The following DPP6 variants were observed in gnomAD, a reference collection of about 807,000 sequenced individuals.
DPP6 encodes the protein dipeptidyl peptidase like 6, also known as A-type potassium channel modulatory protein DPP6.
DPP6 carries 69 observed loss-of-function variants against 122.6 expected under a neutral mutation model. The ratio of observed to expected loss-of-function variants is 0.56; its 90% confidence interval spans 0.46 to 0.69. DPP6 has a LOEUF of 0.69. DPP6 is among the 30% of genes least tolerant of loss of function. The probability of loss-of-function intolerance (pLI) is 0.00; values close to 1 mark genes in which losing one functional copy is unlikely to be tolerated. For synonymous variants in DPP6, 418 were observed against 433.1 expected (o/e 0.97, Z 0.43); for missense variants, 928 against 1,116.9 (o/e 0.83, Z 2.41).
chr7:154,185,431 A>G (rs1185690126), intron 1 of DPP6, among the ~76,000 whole-genome samples: 1 of 152,176 alleles, frequency 6.6e-6, no homozygotes, highest in African/African-American at 2.4e-5. Flanking sequence ...CTGGGTATCA[A>G]TATCAGAGTC....
At chr7:154,715,720 A>C (rs997315351) in intron 7 of DPP6, among the ~76,000 whole-genome samples, 6 of 152,160 alleles carry the variant, frequency 3.9e-5, no homozygotes, top group Non-Finnish European at 8.8e-5. Flanking sequence ...CTCAAGAAGT[A>C]CTTTGTTTTG....
chr7:154,273,254 T>G (rs989794506), intron 1 of DPP6, among the ~76,000 whole-genome samples: 9 of 152,022 alleles, frequency 5.9e-5, no homozygotes, highest in Non-Finnish European at 1.3e-4. Context: ...GACACTATGG[T>G]GAAGGAGGCA....
At chr7:154,357,990 C>T (rs1038549471) in intron 1 of DPP6, among the ~76,000 whole-genome samples, 1 of 151,666 alleles carries the variant, frequency 6.6e-6, no homozygotes, top group Non-Finnish European at 1.5e-5. Flanking sequence ...CTCGGAAGTG[C>T]TCCCTTGTTA....
At chr7:154,343,459 C>A (rs1035934510) in intron 1 of DPP6, among the ~76,000 whole-genome samples, 7 of 152,222 alleles carry the variant, frequency 4.6e-5, no homozygotes, top group Admixed American at 2.6e-4. Context: ...TGCTATTCAG[C>A]GGCTTGAAGT....
intron 8 of DPP6, among the ~76,000 whole-genome samples, chr7:154,747,641 C>T (rs892539980): frequency 1.3e-5 from 2 of 152,092 alleles, no homozygotes; most frequent in Non-Finnish European, 2.9e-5. Context: ...TCTTAGAAAA[C>T]ACCCATATGT....
the DPP6 span, among the ~76,000 whole-genome samples, chr7:153,752,831 G>GA: frequency 2.7e-5 from 4 of 145,820 alleles, no homozygotes; most frequent in African/African-American, 7.8e-5. Flanking sequence ...CACAACCCCA[G>GA]AAAAAAATCA....
chr7:154,732,818 G>C (rs1842402467), intron 8 of DPP6, among the ~76,000 whole-genome samples: 1 of 152,208 alleles, frequency 6.6e-6, no homozygotes, highest in Non-Finnish European at 1.5e-5. Context: ...CATGTCAGCA[G>C]GAATCATGTT....
chr7:154,729,842 A>C (rs1842249584), intron 8 of DPP6, among the ~76,000 whole-genome samples: 3 of 152,204 alleles, frequency 2.0e-5, no homozygotes, highest in Admixed American at 1.3e-4. Flanking sequence ...TTTTATTGTC[A>C]CATGAGTCCT....
intron 1 of DPP6, among the ~76,000 whole-genome samples, chr7:154,285,885 G>A (rs149011794): frequency 8.2e-4 from 125 of 152,230 alleles, no homozygotes; most frequent in Non-Finnish European, 1.5e-3. Context: ...GGAAAACTCC[G>A]GCGTGTTTTT....
chr7:154,117,498 T>A (rs1192005420), intron 1 of DPP6, among the ~76,000 whole-genome samples: 2 of 152,206 alleles, frequency 1.3e-5, no homozygotes, highest in Non-Finnish European at 2.9e-5. Context: ...ACTGTAGGTT[T>A]CTTTAAAGAA....
intron 3 of DPP6, among the ~76,000 whole-genome samples, chr7:154,510,175 G>T (rs1825954344): frequency 6.6e-6 from 1 of 152,158 alleles, no homozygotes; most frequent in South Asian, 2.1e-4. Flanking sequence ...CCAGATGAAA[G>T]ACTGTGCAAC....
chr7:153,806,207 C>A, the DPP6 span, among the ~76,000 whole-genome samples: 1 of 151,652 alleles, frequency 6.6e-6, no homozygotes, highest in Non-Finnish European at 1.5e-5. Context: ...CAGAGTCCTG[C>A]CCTGACACCT....
At chr7:153,939,906 T>G (rs1223962838) in intron 1 of DPP6, among the ~76,000 whole-genome samples, 1 of 152,240 alleles carries the variant, frequency 6.6e-6, no homozygotes, top group Non-Finnish European at 1.5e-5. Context: ...TCATACAGCA[T>G]GAAGTTTTCT....
At chr7:154,494,976 C>T (rs150531895) in intron 3 of DPP6, among the ~76,000 whole-genome samples, 114 of 152,300 alleles carry the variant, frequency 7.5e-4, no homozygotes, top group African/African-American at 2.4e-3. Flanking sequence ...CAGCTTCCTG[C>T]TGTAGGAGCT....
At chr7:154,850,084 G>A (rs978284659) in intron 16 of DPP6, among the ~76,000 whole-genome samples, 14 of 152,092 alleles carry the variant, frequency 9.2e-5, no homozygotes, top group Non-Finnish European at 1.5e-4. Context: ...AGTGGTATTT[G>A]GTTACATGAG....
chr7:154,535,139 C>T (rs940335942), intron 3 of DPP6, among the ~76,000 whole-genome samples: 16 of 151,914 alleles, frequency 1.1e-4, no homozygotes, highest in East Asian at 3.9e-4. Flanking sequence ...TTTTCAACAA[C>T]GTACTGGAAT....
At chr7:153,849,691 T>A in the DPP6 span, among the ~76,000 whole-genome samples, 1 of 152,222 alleles carries the variant, frequency 6.6e-6, no homozygotes, top group Non-Finnish European at 1.5e-5. Flanking sequence ...AAATTTTGAC[T>A]TTTGAAAATG....
the DPP6 span, among the ~76,000 whole-genome samples, chr7:153,867,133 G>T: frequency 6.6e-6 from 1 of 152,144 alleles, no homozygotes; most frequent in African/African-American, 2.4e-5. Flanking sequence ...GGCAATGCGG[G>T]CTCTTTTTTG....
At chr7:154,416,671 T>TC (rs1416453977) in intron 1 of DPP6, among the ~76,000 whole-genome samples, 8 of 51,656 alleles carry the variant, frequency 1.5e-4, no homozygotes, top group African/African-American at 3.6e-4. Context: ...GCGTGTATTC[T>TC]CCCCCACCAA....
Sources: gnomAD v4.1 joint callset for allele counts (sites outside exome capture counted in the v4.1 genomes callset) on GRCh38, gnomAD v4.1.1 for gene constraint, MANE v1.5 for transcripts, NCBI Gene and HGNC (gene_info 2026-07-23, HGNC 2026-07-21) for gene names.